The following DSCAM variants were observed in gnomAD, a reference collection of about 807,000 sequenced individuals.
DSCAM encodes DS cell adhesion molecule.
A neutral mutation model predicts 217.7 loss-of-function variants in DSCAM; 47 were observed. The observed-to-expected ratio is 0.22, with a 90% confidence interval of 0.17 to 0.28. DSCAM has a LOEUF of 0.28. Among genes scored for constraint, DSCAM ranks in the 10% least tolerant of loss-of-function variants. The probability of loss-of-function intolerance (pLI) is 1.00; values close to 1 mark genes in which losing one functional copy is unlikely to be tolerated. For synonymous variants in DSCAM, 1,056 were observed against 1,015.3 expected (o/e 1.04, Z -0.76); for missense variants, 2,080 against 2,618.3 (o/e 0.79, Z 4.49).
chr21:40,702,091 T>G (rs994136782), intron 2 of DSCAM, among the ~76,000 whole-genome samples: 9 of 152,214 alleles, frequency 5.9e-5, no homozygotes, highest in African/African-American at 1.9e-4. Flanking sequence ...CATTTTTACT[T>G]TATGTATTTT....
intron 3 of DSCAM, among the ~76,000 whole-genome samples, chr21:40,520,416 T>C (rs1383637061): frequency 6.6e-6 from 1 of 152,182 alleles, no homozygotes; most frequent in African/African-American, 2.4e-5. Flanking sequence ...AAATCAAAGA[T>C]TGCTGTCAAC....
intron 3 of DSCAM, among the ~76,000 whole-genome samples, chr21:40,468,543 A>AG (rs1211381762): frequency 2.0e-5 from 3 of 152,022 alleles, no homozygotes; most frequent in Admixed American, 6.6e-5. Flanking sequence ...AGGATTGGGG[A>AG]GGGGGAGGCC....
intron 22 of DSCAM, 89 bp from the exon 23 acceptor site, chr21:40,085,854 CA>C (rs2089526264): frequency 8.6e-7 from 1 of 1,164,584 alleles, no homozygotes; most frequent in Non-Finnish European, 1.1e-6. Flanking sequence ...CTCTGTGAAG[CA>C]AACCACACAT....
chr21:40,240,673 C>T (rs935529085), intron 11 of DSCAM, among the ~76,000 whole-genome samples: 1 of 152,098 alleles, frequency 6.6e-6, no homozygotes, highest in Non-Finnish European at 1.5e-5. Context: ...GCTCCAATGC[C>T]CCCTCCTTTG....
At chr21:40,383,784 A>T (rs1038088976) in intron 3 of DSCAM, 8 of 152,194 alleles carry the variant, frequency 5.3e-5, no homozygotes, top group African/African-American at 1.9e-4. Flanking sequence ...TTCCATTTAA[A>T]AGTAGTAATG....
At position 40,439,031 on chromosome 21, in the gene DSCAM, C is replaced by G. The variant is rs891923424; in HGVS notation, c.509-69786G>C. ...AGTAGAAGTACCCTTTTCTATTGCA[C>G]CATTGTCATAGGTGCAAGCAACATC... On this transcript the variant is annotated intron_variant, in intron 3 of 32. Coordinates refer to ENST00000400454, the MANE Select transcript of DSCAM (RefSeq NM_001389.5). Among the ~76,000 whole-genome samples, 8 of 152,176 alleles carry G rather than the reference C, an allele frequency of 5.3e-5. No individual in the cohort carries two copies. The East Asian group carries it at 1.5e-3, about 29-fold the overall frequency.
intron 3 of DSCAM, among the ~76,000 whole-genome samples, chr21:40,566,758 T>C (rs758857632): frequency 6.6e-5 from 10 of 152,152 alleles, no homozygotes; most frequent in Non-Finnish European, 1.5e-4. Context: ...CCACCACTAC[T>C]GCTATTGCCA....
At chr21:40,839,089 G>T (rs2092079942) in intron 1 of DSCAM, among the ~76,000 whole-genome samples, 1 of 152,118 alleles carries the variant, frequency 6.6e-6, no homozygotes, top group Admixed American at 6.5e-5. Context: ...CAAAATCCAT[G>T]ATCTCACTTA....
intron 8 of DSCAM, among the ~76,000 whole-genome samples, chr21:40,337,087 A>G (rs1394806778): frequency 1.3e-5 from 2 of 152,232 alleles, no homozygotes; most frequent in African/African-American, 4.8e-5. Context: ...TAATAATAGT[A>G]TACACATATT....
chr21:40,290,964 T>C (rs557457343), intron 10 of DSCAM, among the ~76,000 whole-genome samples: 182 of 152,290 alleles, frequency 1.2e-3, no homozygotes, highest in African/African-American at 4.3e-3. Context: ...CATCAAAATC[T>C]AGGATATTTA....
intron 3 of DSCAM, among the ~76,000 whole-genome samples, chr21:40,516,625 G>A (rs1467708766): frequency 6.6e-6 from 1 of 152,042 alleles, no homozygotes; most frequent in African/African-American, 2.4e-5. Context: ...GTGAATTGAC[G>A]TTGCCATGGA....
intron 3 of DSCAM, among the ~76,000 whole-genome samples, chr21:40,408,830 T>G (rs1453710529): frequency 6.6e-6 from 1 of 152,180 alleles, no homozygotes; most frequent in Admixed American, 6.5e-5. Flanking sequence ...TTAAATGACA[T>G]AACTAGAGTT....
chr21:40,362,440 T>C (rs1022025046), intron 4 of DSCAM, among the ~76,000 whole-genome samples: 1 of 152,148 alleles, frequency 6.6e-6, no homozygotes, highest in Admixed American at 6.5e-5. Flanking sequence ...CTCTCTCTCT[T>C]TGAGAGGGGT....
intron 21 of DSCAM, among the ~76,000 whole-genome samples, chr21:40,091,880 A>T (rs2089614853): frequency 1.3e-5 from 2 of 152,000 alleles, no homozygotes; most frequent in Admixed American, 1.3e-4. Flanking sequence ...TGCTCCCATG[A>T]CTCAATTACC....
intron 1 of DSCAM, among the ~76,000 whole-genome samples, chr21:40,737,696 G>C (rs900292310): frequency 6.6e-6 from 1 of 152,154 alleles, no homozygotes; most frequent in African/African-American, 2.4e-5. Flanking sequence ...GGTGATTATA[G>C]GGCTGATGAC....
intron 3 of DSCAM, among the ~76,000 whole-genome samples, chr21:40,669,076 C>G (rs1429251768): frequency 1.3e-5 from 2 of 152,162 alleles, no homozygotes; most frequent in Non-Finnish European, 2.9e-5. Context: ...AAGCTCAAGA[C>G]CTTCACAGAG....
intron 8 of DSCAM, among the ~76,000 whole-genome samples, chr21:40,326,957 A>G (rs915593020): frequency 3.0e-4 from 45 of 149,910 alleles, no homozygotes; most frequent in African/African-American, 1.0e-3. Context: ...TTATATTTAT[A>G]TATCTTTATA....
intron 3 of DSCAM, among the ~76,000 whole-genome samples, chr21:40,374,944 T>C (rs1010849412): frequency 6.6e-6 from 1 of 152,208 alleles, no homozygotes; most frequent in African/African-American, 2.4e-5. Context: ...TAGCCCAAGC[T>C]GACCAAGATA....
chr21:40,281,797 G>C (rs1029519432), intron 10 of DSCAM, among the ~76,000 whole-genome samples: 1 of 151,992 alleles, frequency 6.6e-6, no homozygotes, highest in South Asian at 2.1e-4. Flanking sequence ...TTGTTCTTTA[G>C]TAAACAGCCC....
Sources: gnomAD v4.1 joint callset for allele counts (sites outside exome capture counted in the v4.1 genomes callset) on GRCh38, gnomAD v4.1.1 for gene constraint, MANE v1.5 for transcripts, NCBI Gene and HGNC (gene_info 2026-07-23, HGNC 2026-07-21) for gene names.